TAOK3: variants seen among roughly 807,000 people sequenced by gnomAD.
TAOK3 encodes serine/threonine-protein kinase TAO3.
In TAOK3, 40 loss-of-function variants were observed where a neutral mutation model predicts 120.4. The observed-to-expected ratio is 0.33, with a 90% CI of 0.26 to 0.43. The LOEUF is 0.43. TAOK3 is among the 20% of genes least tolerant of loss of function. The pLI is 1.00. For synonymous variants in TAOK3, 355 were observed against 387.5 expected (o/e 0.92, Z 0.99); for missense variants, 821 against 1,112.1 (o/e 0.74, Z 3.72).
chr12:118,300,960 G>A (rs1262339688), intron 1 of TAOK3, among the ~76,000 whole-genome samples: 7 of 152,008 alleles, frequency 4.6e-5, no homozygotes, highest in Non-Finnish European at 1.0e-4. Flanking sequence ...ATTTTTAGTA[G>A]AGACGGGGTT....
intron 14 of TAOK3, among the ~76,000 whole-genome samples, chr12:118,184,110 C>T (rs2036932638): frequency 6.6e-6 from 1 of 152,140 alleles, no homozygotes; most frequent in South Asian, 2.1e-4. Flanking sequence ...CATTGTACAC[C>T]ACTGAATTCC....
intron 9 of TAOK3, among the ~76,000 whole-genome samples, chr12:118,229,131 G>A (rs1266640754): frequency 2.0e-5 from 3 of 149,898 alleles, no homozygotes; most frequent in Non-Finnish European, 4.4e-5. Context: ...ACAGAGTTTC[G>A]ATCTTGTTGC....
At chr12:118,325,805 G>A (rs1440106088) in intron 1 of TAOK3, among the ~76,000 whole-genome samples, 3 of 151,960 alleles carry the variant, frequency 2.0e-5, no homozygotes, top group East Asian at 3.9e-4. Context: ...TCAGCCTCCC[G>A]AGTAGCTGGG....
intron 11 of TAOK3, among the ~76,000 whole-genome samples, chr12:118,208,010 G>A (rs2038426374): frequency 6.6e-6 from 1 of 151,980 alleles, no homozygotes; most frequent in African/African-American, 2.4e-5. Context: ...GGCTTTACGA[G>A]ATTGAAGTTA....
At chr12:118,262,866 C>A (rs538661615) in intron 2 of TAOK3, among the ~76,000 whole-genome samples, 2 of 149,212 alleles carry the variant, frequency 1.3e-5, no homozygotes, top group Non-Finnish European at 3.0e-5. Context: ...GGGATCAATG[C>A]GACAAAGGAT....
Position 118,160,528 on chromosome 12 carries a change from C to T in TAOK3, c.2140-170G>A, listed in dbSNP as rs537393383. Among the ~76,000 whole-genome samples the T allele has an allele frequency of 2.0e-5, 3 of 152,164 alleles. No homozygotes were observed. The highest frequency in any genetic ancestry group is 4.8e-5 in the African/African-American group (2 of 41,426). On this transcript the variant is annotated intron_variant, in intron 18 of 20. Transcript: ENST00000392533. This position sits in a 1 kb window ranked among gnomAD's most constrained non-coding sequence, Gnocchi z 4.2. ...TATGTATGACACAGACAAAAGTTAACTCTACCTGTACTTTTGGTTTTATAT... is the reference window on the plus strand; with the variant it reads ...TATGTATGACACAGACAAAAGTTAATTCTACCTGTACTTTTGGTTTTATAT...
chr12:118,327,993 G>C (rs1435740655), intron 1 of TAOK3, among the ~76,000 whole-genome samples: 2 of 151,604 alleles, frequency 1.3e-5, no homozygotes, highest in African/African-American at 4.8e-5. Flanking sequence ...GTTCCACATA[G>C]TGTTTATATG....
At chr12:118,215,695 A>C (rs1239711117) in intron 9 of TAOK3, among the ~76,000 whole-genome samples, 1 of 152,164 alleles carries the variant, frequency 6.6e-6, no homozygotes, top group African/African-American at 2.4e-5. Context: ...TCCCACTCTA[A>C]AGAGAAACTC....
chr12:118,164,869 C>T (rs1444283464), intron 17 of TAOK3, among the ~76,000 whole-genome samples: 1 of 152,144 alleles, frequency 6.6e-6, no homozygotes, highest in Non-Finnish European at 1.5e-5. Flanking sequence ...CTTGGGCTCC[C>T]TATTGATTGA....
chr12:118,327,167 G>T (rs1213228429), intron 1 of TAOK3, among the ~76,000 whole-genome samples: 4 of 152,122 alleles, frequency 2.6e-5, no homozygotes, highest in Non-Finnish European at 4.4e-5. Flanking sequence ...CCTGCATCTG[G>T]TTTTAATAAT....
intron 8 of TAOK3, among the ~76,000 whole-genome samples, chr12:118,234,137 C>T (rs2061152121): frequency 6.9e-6 from 1 of 144,620 alleles, no homozygotes; most frequent in South Asian, 2.3e-4. Context: ...TACTTTGGAA[C>T]ATCTGATTAT....
intron 9 of TAOK3, among the ~76,000 whole-genome samples, chr12:118,217,655 G>T (rs974339351): frequency 6.6e-6 from 1 of 150,814 alleles, no homozygotes; most frequent in African/African-American, 2.4e-5. Context: ...CTGCACTCCA[G>T]CCTGAGTGAT....
intron 1 of TAOK3, among the ~76,000 whole-genome samples, chr12:118,324,734 C>CTTTTTTTTT (rs35462737): frequency 1.0e-4 from 7 of 69,584 alleles, no homozygotes; most frequent in African/African-American, 4.3e-4. Context: ...GAATTTCATT[C>CTTTTTTTTT]TTTTTTTTTT....
chr12:118,255,323 G>C, intron 3 of TAOK3, 125 bp downstream of exon 3: 1 of 945,666 alleles, frequency 1.1e-6, no homozygotes, highest in South Asian at 1.9e-5. Context: ...ATGTTGCCTA[G>C]GCTGGTCTTT....
chr12:118,343,691 T>C (rs2044727572), intron 1 of TAOK3, among the ~76,000 whole-genome samples: 1 of 152,122 alleles, frequency 6.6e-6, no homozygotes, highest in Non-Finnish European at 1.5e-5. Flanking sequence ...TGAGATTTAA[T>C]TTTTGTTAAC....
chr12:118,328,831 G>A (rs956316750), intron 1 of TAOK3, among the ~76,000 whole-genome samples: 17 of 152,202 alleles, frequency 1.1e-4, no homozygotes, highest in African/African-American at 4.1e-4. Context: ...TTTGGCATGA[G>A]GGATTTATAA....
At chr12:118,196,175 G>C (rs1401015747) in intron 13 of TAOK3, among the ~76,000 whole-genome samples, 1 of 152,108 alleles carries the variant, frequency 6.6e-6, no homozygotes, top group African/African-American at 2.4e-5. Context: ...AAGTAACCTG[G>C]AATTCTGATG....
At chr12:118,220,079 T>G (rs1363176429) in intron 9 of TAOK3, among the ~76,000 whole-genome samples, 1 of 151,660 alleles carries the variant, frequency 6.6e-6, no homozygotes, top group Non-Finnish European at 1.5e-5. Context: ...CTAATTTTTT[T>G]AAGGTTTTCG....
At chr12:118,317,298 A>AT (rs950745966) in intron 1 of TAOK3, among the ~76,000 whole-genome samples, 6,713 of 126,040 alleles carry the variant, frequency 0.053, 338 homozygotes, top group East Asian at 0.19. Flanking sequence ...CGCTGGGAGA[A>AT]TTTTTTTTTT....
Sources: gnomAD v4.1 joint callset for allele counts (sites outside exome capture counted in the v4.1 genomes callset) on GRCh38, gnomAD v4.1.1 for gene constraint, Gnocchi (gnomAD v3.1) non-coding constraint, MANE v1.5 for transcripts, NCBI Gene and HGNC (gene_info 2026-07-23, HGNC 2026-07-21) for gene names.